FARS2: variants seen among roughly 807,000 people sequenced by gnomAD.
FARS2 encodes phenylalanine--tRNA ligase, mitochondrial.
In FARS2, 40 loss-of-function variants were observed where a neutral mutation model predicts 46.4. That is an observed-to-expected ratio of 0.86 (90% CI 0.67 to 1.12). FARS2 has a LOEUF of 1.12. Among genes scored for constraint, FARS2 ranks in the 50% most tolerant of loss-of-function variants. FARS2 has a pLI of 0.00. For missense variants in FARS2, 513 were observed against 567.9 expected (o/e 0.90, Z 0.98); for synonymous variants, 234 against 214.9 (o/e 1.09, Z -0.78).
At chr6:5,504,176 C>T (rs568886292) in intron 4 of FARS2, among the ~76,000 whole-genome samples, 38 of 152,100 alleles carry the variant, frequency 2.5e-4, no homozygotes, top group African/African-American at 6.5e-4. Context: ...AGAACAACTA[C>T]GTTATGGAAA....
intron 5 of FARS2, among the ~76,000 whole-genome samples, chr6:5,589,982 A>C (rs771706095): frequency 6.6e-6 from 1 of 152,252 alleles, no homozygotes; most frequent in Non-Finnish European, 1.5e-5. Flanking sequence ...GAGACTGCAC[A>C]GTCACTTAAC....
intron 4 of FARS2, among the ~76,000 whole-genome samples, chr6:5,507,664 T>C (rs117927574): frequency 4.7e-4 from 72 of 152,314 alleles, no homozygotes; most frequent in African/African-American, 1.7e-3. Flanking sequence ...GAACTTATGA[T>C]TTGAGCTTAA....
chr6:5,603,845 T>A (rs554354890), intron 5 of FARS2, among the ~76,000 whole-genome samples: 130 of 152,318 alleles, frequency 8.5e-4, no homozygotes, highest in African/African-American at 3.0e-3. Context: ...TATCTTTTTT[T>A]GGGAGGGGAA....
intron 3 of FARS2, among the ~76,000 whole-genome samples, chr6:5,411,543 C>T (rs919745627): frequency 1.3e-5 from 2 of 152,146 alleles, no homozygotes; most frequent in African/African-American, 2.4e-5. Context: ...TTGAGCAACT[C>T]TTTTTATATT....
At chr6:5,730,577 C>T (rs889888308) in intron 6 of FARS2, among the ~76,000 whole-genome samples, 2 of 151,816 alleles carry the variant, frequency 1.3e-5, no homozygotes, top group African/African-American at 4.8e-5. Flanking sequence ...AGATGTGTCA[C>T]AAGGCAGTAA....
intron 4 of FARS2, among the ~76,000 whole-genome samples, chr6:5,436,603 A>C (rs543434865): frequency 6.6e-6 from 1 of 152,302 alleles, no homozygotes; most frequent in East Asian, 1.9e-4. Context: ...TTTTGTGAGA[A>C]CGAGCTTTGT....
intron 6 of FARS2, among the ~76,000 whole-genome samples, chr6:5,758,819 G>C (rs1287122145): frequency 6.6e-6 from 1 of 152,160 alleles, no homozygotes; most frequent in African/African-American, 2.4e-5. Flanking sequence ...GGGGTTCTGA[G>C]GAGCGGATGG....
chr6:5,594,634 G>A (rs965155146), intron 5 of FARS2, among the ~76,000 whole-genome samples: 1 of 152,170 alleles, frequency 6.6e-6, no homozygotes, highest in Admixed American at 6.5e-5. Context: ...GGGAACAATC[G>A]AAGAGGCTGG....
intron 4 of FARS2, among the ~76,000 whole-genome samples, chr6:5,512,469 A>C (rs755148585): frequency 6.6e-6 from 1 of 152,150 alleles, no homozygotes. Flanking sequence ...CCTGAAGGAA[A>C]TTAGCAAAGG....
At chr6:5,534,260 TA>T (rs1363668668) in intron 4 of FARS2, among the ~76,000 whole-genome samples, 1 of 152,364 alleles carries the variant, frequency 6.6e-6, no homozygotes, top group Non-Finnish European at 1.5e-5. Context: ...TCTGAGATTT[TA>T]TTTTTTTGTG....
chr6:5,647,875 G>A (rs1179622737), intron 6 of FARS2, among the ~76,000 whole-genome samples: 1 of 152,186 alleles, frequency 6.6e-6, no homozygotes, highest in Non-Finnish European at 1.5e-5. Context: ...CAATGGTTAA[G>A]GGTATGGAAT....
intron 5 of FARS2, among the ~76,000 whole-genome samples, chr6:5,550,599 C>T (rs1771315042): frequency 6.6e-6 from 1 of 152,208 alleles, no homozygotes; most frequent in South Asian, 2.1e-4. Context: ...CATGTATATG[C>T]AGGTGAGTTG....
chr6:5,673,777 A>G (rs958313549), intron 6 of FARS2, among the ~76,000 whole-genome samples: 1 of 152,170 alleles, frequency 6.6e-6, no homozygotes, highest in African/African-American at 2.4e-5. Flanking sequence ...TGCCAGCATA[A>G]TGATCTCTGC....
chr6:5,571,005 TACTG>T (rs1329950688), intron 5 of FARS2, among the ~76,000 whole-genome samples: 3 of 152,236 alleles, frequency 2.0e-5, no homozygotes, highest in East Asian at 3.8e-4. Context: ...TAAATAGACT[TACTG>T]ACTGTTTCGT....
chr6:5,438,327 A>G (rs902042990), intron 4 of FARS2, among the ~76,000 whole-genome samples: 2 of 122,014 alleles, frequency 1.6e-5, no homozygotes, highest in African/African-American at 3.2e-5. Flanking sequence ...CACTTATGAT[A>G]GATCTTTTGA....
At chr6:5,401,925 T>G (rs1393838399) in intron 2 of FARS2, among the ~76,000 whole-genome samples, 9 of 152,170 alleles carry the variant, frequency 5.9e-5, no homozygotes, top group East Asian at 1.9e-4. Context: ...TATAAGAATA[T>G]GTCCTATATT....
At chr6:5,402,006 T>C (rs201426475) in intron 2 of FARS2, among the ~76,000 whole-genome samples, 6 of 151,844 alleles carry the variant, frequency 4.0e-5, no homozygotes, top group South Asian at 2.1e-4. Context: ...TGTTTTTTTT[T>C]CCCTCTTTAA....
chr6:5,550,590 A>G (rs964659259), intron 5 of FARS2, among the ~76,000 whole-genome samples: 1 of 152,214 alleles, frequency 6.6e-6, no homozygotes, highest in Non-Finnish European at 1.5e-5. Context: ...TAAGGGTGGC[A>G]TGTATATGCA....
chr6:5,456,237 T>A (rs973979041), intron 4 of FARS2, among the ~76,000 whole-genome samples: 2 of 139,562 alleles, frequency 1.4e-5, no homozygotes, highest in South Asian at 2.3e-4. Context: ...AAGCAAAAAA[T>A]AAACAAATAT....
Sources: gnomAD v4.1 joint callset for allele counts (sites outside exome capture counted in the v4.1 genomes callset) on GRCh38, gnomAD v4.1.1 for gene constraint, MANE v1.5 for transcripts, NCBI Gene and HGNC (gene_info 2026-07-23, HGNC 2026-07-21) for gene names.